RAB11B: variants seen among roughly 807,000 people sequenced by gnomAD.
The protein encoded by RAB11B is ras-related protein Rab-11B.
In RAB11B, 7 loss-of-function variants were observed where a neutral mutation model predicts 23.7. The ratio of observed to expected loss-of-function variants is 0.29; its 90% CI spans 0.17 to 0.55. The LOEUF (loss-of-function observed/expected upper bound fraction) is 0.55, where lower values mean the gene tolerates loss of function less well. Among genes scored for constraint, RAB11B ranks in the 20% least tolerant of loss-of-function variants. RAB11B has a pLI of 0.93. For synonymous variants in RAB11B, 138 were observed against 132.0 expected, an observed-to-expected ratio of 1.05 and a Z score of -0.31; for missense variants, 189 against 320.0, an observed-to-expected ratio of 0.59 and a Z score of 3.12.
Position 8,402,580 on chromosome 19 carries a change from G to C in RAB11B, c.511+15G>C, listed in dbSNP as rs542461885. ...CATCCTCACAGGTGGCCGGGGACCA[G>C]ATGGGTGTGGGTAGGGCACCAGCCA... On this transcript the variant is annotated intron_variant, in intron 4 of 4. Coordinates refer to ENST00000328024, the MANE Select transcript of RAB11B (RefSeq NM_004218.4). 1 of 1,598,314 alleles carries C rather than the reference G, an allele frequency of 6.3e-7. No individual in the cohort carries two copies.
intron 2 of RAB11B, 43 bp from the exon 3 acceptor site, chr19:8,402,043 A>G (rs1212019900): frequency 1.7e-5 from 26 of 1,522,056 alleles, no homozygotes; most frequent in Non-Finnish European, 2.0e-5. Context: ...GCCGCTGCCC[A>G]TGGTTGTCCT....
chr19:8,402,829 T>G, intron 4 of RAB11B: 1 of 562,734 alleles, frequency 1.8e-6, no homozygotes, highest in East Asian at 3.0e-5. Flanking sequence ...CACCCGCTAA[T>G]TTTTGTAATT....
Position 8,390,361 on chromosome 19 carries a change from T to C in RAB11B, c.-56T>C. The C allele has an allele frequency of 6.7e-7, 1 of 1,494,180 alleles. No homozygotes were observed. The highest frequency in any genetic ancestry group is 8.9e-7 in the Non-Finnish European group (1 of 1,123,194). The allele number at this position is 1,494,180 out of a possible 1,614,324, so 92.6% of individuals were successfully genotyped here. A position where few individuals can be genotyped will look rare whatever the true frequency, so the allele number is the denominator to read the frequency against. Reference sequence around the variant, plus strand: ...CTGCGCGGCGCCGGCTCCGCCCCCGTCGGGTGTTTGTGGTGGGGCTGCGGA... The same window carrying C: ...CTGCGCGGCGCCGGCTCCGCCCCCGCCGGGTGTTTGTGGTGGGGCTGCGGA... On this transcript the variant is annotated 5_prime_UTR_variant, in exon 1 of 5. Coordinates refer to ENST00000328024, the MANE Select transcript of RAB11B (RefSeq NM_004218.4).
chr19:8,402,764 G>T, intron 4 of RAB11B, 199 bp downstream of exon 4: 1 of 591,206 alleles, frequency 1.7e-6, no homozygotes, highest in Non-Finnish European at 3.0e-6. Flanking sequence ...CCAGGTTCAG[G>T]CAATTCTCCT....
At chr19:8,401,992 A>G in intron 2 of RAB11B, 94 bp from the exon 3 acceptor site, 1 of 1,349,316 alleles carries the variant, frequency 7.4e-7, no homozygotes, top group East Asian at 2.5e-5. Context: ...GCCCTGGACG[A>G]CCCACCCTGG....
rs1971401707 is a variant in RAB11B, at chr19:8,396,894, G to A, written c.41-2969G>A. ...GGAGGACAGCGTTTTGGTTGGTGATGAGCGTGAACACAGGGACCGCACAGA... is the reference window on the plus strand; with the variant it reads ...GGAGGACAGCGTTTTGGTTGGTGATAAGCGTGAACACAGGGACCGCACAGA... On this transcript the variant is annotated intron_variant, in intron 1 of 4. Coordinates refer to ENST00000328024, the MANE Select transcript of RAB11B (RefSeq NM_004218.4). This position sits in a 1 kb window ranked among gnomAD's most constrained non-coding sequence, Gnocchi z 5.0. 6.6e-6 allele frequency among the ~76,000 whole-genome samples: 1 copy of A among 152,212 alleles called. No individual in the cohort carries two copies.
intron 1 of RAB11B, among the ~76,000 whole-genome samples, chr19:8,397,319 G>C (rs1041548927): frequency 2.0e-5 from 3 of 152,112 alleles, no homozygotes; most frequent in African/African-American, 4.8e-5. Flanking sequence ...CATGAGCCTG[G>C]ATGGGGTCAC....
chr19:8,392,905 T>G (rs554339781), intron 1 of RAB11B, among the ~76,000 whole-genome samples: 36 of 151,866 alleles, frequency 2.4e-4, no homozygotes, highest in African/African-American at 7.5e-4. Context: ...CAGCTGATCT[T>G]GAACTCCTGA....
intron 1 of RAB11B, among the ~76,000 whole-genome samples, chr19:8,397,877 C>G (rs1971408667): frequency 6.6e-6 from 1 of 152,114 alleles, no homozygotes; most frequent in African/African-American, 2.4e-5. Context: ...AAGCCTCATC[C>G]TCAGTGGATG....
Position 8,396,628 on chromosome 19 carries a change from G to T in RAB11B, c.41-3235G>T, listed in dbSNP as rs1425859661. Reference sequence around the variant, plus strand: ...GCGTTTCTGGCAGCAGGAGCAACCCGTGCAAAGGCCCTGAGGCAGGATCGC... The same window carrying T: ...GCGTTTCTGGCAGCAGGAGCAACCCTTGCAAAGGCCCTGAGGCAGGATCGC... On this transcript the variant is annotated intron_variant, in intron 1 of 4. Transcript: ENST00000328024. The surrounding 1 kb of genome is among the most constrained non-coding windows in gnomAD (Gnocchi z 5.0). Among the ~76,000 whole-genome samples the T allele has an allele frequency of 6.6e-6, 1 of 151,458 alleles. No homozygotes were observed. The highest frequency in any genetic ancestry group is 2.4e-5 in the African/African-American group (1 of 41,180).
chr19:8,401,393 T>G (rs1280866185), intron 2 of RAB11B, among the ~76,000 whole-genome samples: 1 of 151,158 alleles, frequency 6.6e-6, no homozygotes, highest in Non-Finnish European at 1.5e-5. Flanking sequence ...TTATTTATTT[T>G]TTTGAGATAG....
chr19:8,396,944 C>G lies in RAB11B; in HGVS notation c.41-2919C>G, dbSNP rs1294940709. On this transcript the variant is annotated intron_variant, in intron 1 of 4. Transcript: ENST00000328024. This position sits in a 1 kb window ranked among gnomAD's most constrained non-coding sequence, Gnocchi z 5.0. ...ACAATACCTTCCAGGGTCTGAGAGT[C>G]TGGAATGGAATCGCCCAGGGAGACA... Among the ~76,000 whole-genome samples the G allele has an allele frequency of 6.6e-6, 1 of 152,158 alleles. No individual in the cohort carries two copies. The highest frequency in any genetic ancestry group is 1.5e-5 in the Non-Finnish European group (1 of 68,024).
At position 8,396,042 on chromosome 19, in the gene RAB11B, C is replaced by G. The variant is rs1971394469; in HGVS notation, c.41-3821C>G. Reference sequence around the variant, plus strand: ...TCCTGCTCTGCCCCGCACCCCGTTCCCCATCCAAGCCTCAGTTTCCTCATC... The same window carrying G: ...TCCTGCTCTGCCCCGCACCCCGTTCGCCATCCAAGCCTCAGTTTCCTCATC... On this transcript the variant is annotated intron_variant, in intron 1 of 4. Coordinates refer to ENST00000328024, the MANE Select transcript of RAB11B (RefSeq NM_004218.4). The surrounding 1 kb of genome is among the most constrained non-coding windows in gnomAD (Gnocchi z 5.0). Among the ~76,000 whole-genome samples, 1 of 152,228 alleles carries G rather than the reference C, an allele frequency of 6.6e-6. No homozygotes were observed. The highest frequency in any genetic ancestry group is 1.5e-5 in the Non-Finnish European group (1 of 68,046).
At chr19:8,398,800 G>A (rs1971415400) in intron 1 of RAB11B, among the ~76,000 whole-genome samples, 1 of 151,944 alleles carries the variant, frequency 6.6e-6, no homozygotes, top group Admixed American at 6.6e-5. Flanking sequence ...TCTTTTCGTG[G>A]GGGGAGACAG....
intron 1 of RAB11B, among the ~76,000 whole-genome samples, chr19:8,395,607 C>T (rs1244714913): frequency 6.6e-6 from 1 of 152,178 alleles, no homozygotes; most frequent in Non-Finnish European, 1.5e-5. Flanking sequence ...GCGGGGCACC[C>T]ATGGTGACGT....
chr19:8,390,434 C>G lies in RAB11B; in HGVS notation c.18C>G (p.Asp6Glu). The change falls in exon 1 of 5, where the codon GAC becomes GAG. Residue 6 changes from aspartate to glutamate, a missense_variant. Around this residue, in one of 5 missense-constraint regions of RAB11B, gnomAD observed 20 missense variants for 16.2 expected, o/e 1.24. Transcript: ENST00000328024. ...CCAGGACAATGGGGACCCGGGACGACGAGTACGACTACCTATTCAAAGGTG... is the reference window on the plus strand; with the variant it reads ...CCAGGACAATGGGGACCCGGGACGAGGAGTACGACTACCTATTCAAAGGTG... Reference protein sequence around the residue: MGTRDDEYDYLFKVVL... With the variant: MGTRDEEYDYLFKVVL... 1 of 1,522,734 alleles carries G rather than the reference C, an allele frequency of 6.6e-7. No homozygotes were observed. Among genetic ancestry groups the G allele is most frequent in the East Asian group, 2.7e-5 (1 of 37,120 alleles). 94.3% of individuals were successfully genotyped at this position (1,522,734 alleles called of 1,614,324 possible).
chr19:8,397,044 G>A lies in RAB11B; in HGVS notation c.41-2819G>A, dbSNP rs566737795. ...TGCTGAAGGATTGATTCTGAGATGC[G>A]AGAGAAAGGAAGGAGTCGAGAATGA... On this transcript the variant is annotated intron_variant, in intron 1 of 4. Transcript: ENST00000328024. Among the ~76,000 whole-genome samples the A allele has an allele frequency of 3.7e-4, 57 of 152,318 alleles. No individual in the cohort carries two copies. In the East Asian group the frequency reaches 0.01, roughly 27 times the overall value.
rs749947672 is a variant in RAB11B, at chr19:8,403,422, G to A, written c.521G>A (p.Arg174His). The change falls in exon 5 of 5, where the codon CGC becomes CAC. Residue 174 changes from arginine to histidine, a missense_variant. Arg to His is a conservative substitution (Grantham distance 29). This residue lies in a region of RAB11B where 122 missense variants were observed against 170.8 expected (regional missense o/e 0.71). Transcript: ENST00000328024. ...TGTACCCCCTTTGCAGAGATCTACCGCATCGTGTCACAGAAACAGATCGCA... is the reference window on the plus strand; with the variant it reads ...TGTACCCCCTTTGCAGAGATCTACCACATCGTGTCACAGAAACAGATCGCA... ...AFKNILTEIY[R>H]IVSQKQIADR... The A allele has an allele frequency of 6.8e-6, 11 of 1,613,116 alleles. No individual in the cohort carries two copies. The highest frequency in any genetic ancestry group is 1.3e-5 in the African/African-American group (1 of 74,866).
At chr19:8,399,561 A>G (rs7260496) in intron 1 of RAB11B, among the ~76,000 whole-genome samples, 146,425 of 152,310 alleles carry the variant, frequency 0.96, 70,607 homozygotes, top group East Asian at 1. Flanking sequence ...GATGGATCTC[A>G]AGCTGCTCTG....
Sources: allele counts gnomAD v4.1 joint callset (sites outside exome capture counted in the v4.1 genomes callset), GRCh38; gene constraint gnomAD v4.1.1; regional missense constraint gnomAD v4.1.1; non-coding constraint Gnocchi (gnomAD v3.1); transcripts MANE v1.5; gene names NCBI Gene and HGNC (gene_info 2026-07-23, HGNC 2026-07-21).